The following PIBF1 variants were observed in gnomAD, a reference collection of about 807,000 sequenced individuals.
PIBF1 encodes progesterone immunomodulatory binding factor 1.
A neutral mutation model predicts 112.5 loss-of-function variants in PIBF1; 90 were observed. The ratio of observed to expected loss-of-function variants is 0.80; its 90% CI spans 0.67 to 0.95. The LOEUF is 0.95. Among genes scored for constraint, PIBF1 ranks in the 40% least tolerant of loss-of-function variants. The probability of loss-of-function intolerance (pLI) is 0.00; values close to 1 mark genes in which losing one functional copy is unlikely to be tolerated. For missense variants in PIBF1, 915 were observed against 852.3 expected (o/e 1.07, Z -0.92); for synonymous variants, 301 against 288.6 (o/e 1.04, Z -0.44).
intron 10 of PIBF1, among the ~76,000 whole-genome samples, chr13:72,892,631 A>G (rs1265895531): frequency 6.6e-6 from 1 of 152,056 alleles, no homozygotes; most frequent in East Asian, 1.9e-4. Context: ...TCTGAGCCTC[A>G]GGTTCTTCAT....
At chr13:72,942,026 A>C (rs1262129027) in intron 14 of PIBF1, among the ~76,000 whole-genome samples, 1 of 152,178 alleles carries the variant, frequency 6.6e-6, no homozygotes, top group Non-Finnish European at 1.5e-5. Flanking sequence ...GTAATAAAAC[A>C]TTTATCTCTG....
intron 10 of PIBF1, among the ~76,000 whole-genome samples, chr13:72,879,712 G>A (rs2039544659): frequency 6.6e-6 from 1 of 152,164 alleles, no homozygotes; most frequent in South Asian, 2.1e-4. Flanking sequence ...AACTATGGCC[G>A]ATAGGCCAAA....
At chr13:72,783,038 A>AT (rs1200441255) in intron 1 of PIBF1, among the ~76,000 whole-genome samples, 1 of 152,090 alleles carries the variant, frequency 6.6e-6, no homozygotes, top group Non-Finnish European at 1.5e-5. Context: ...CAAATCTTTA[A>AT]AGATTCTAAG....
intron 4 of PIBF1, among the ~76,000 whole-genome samples, 162 bp downstream of exon 4, chr13:72,795,719 T>C (rs1383438198): frequency 6.6e-6 from 1 of 152,198 alleles, no homozygotes; most frequent in East Asian, 1.9e-4. Flanking sequence ...ATCATGACCA[T>C]TGATCTCCAA....
intron 10 of PIBF1, among the ~76,000 whole-genome samples, chr13:72,886,007 A>G (rs2039835599): frequency 6.6e-6 from 1 of 152,152 alleles, no homozygotes; most frequent in Admixed American, 6.6e-5. Context: ...ATTGTTAGGA[A>G]GCAGATCTAA....
At chr13:72,811,138 G>A (rs576221786) in intron 5 of PIBF1, among the ~76,000 whole-genome samples, 7 of 152,242 alleles carry the variant, frequency 4.6e-5, no homozygotes, top group South Asian at 4.1e-4. Flanking sequence ...GGGATTATAG[G>A]CGTGAGCCAC....
rs370390563 is a variant in PIBF1 at position 72,827,015 on chromosome 13, G to A, written c.812G>A (p.Arg271His). 20 of 1,584,500 alleles carry A rather than the reference G, an allele frequency of 1.3e-5. No homozygotes were observed. The highest frequency in any genetic ancestry group is 3.5e-5 in the Admixed American group (2 of 57,018). ...TTTGAATTTTATTTTAACAGTGAAC[G>A]TGATGCACTTGAACAGGAAGTAATT... ...QENYDKVKSE[R>H]DALEQEVIEL... is the part of the protein sequence containing the mutation. Residue 271 changes from arginine to histidine, a missense_variant, in exon 7 of 18, where the codon CGT (arginine) becomes CAT (histidine). By Grantham distance (29) the Arg-to-His change is conservative. Transcript: ENST00000326291.
At chr13:72,886,672 T>G (rs1268103637) in intron 10 of PIBF1, among the ~76,000 whole-genome samples, 36 of 152,064 alleles carry the variant, frequency 2.4e-4, no homozygotes, top group Admixed American at 2.4e-3. Flanking sequence ...ATAGATGCAT[T>G]GAATTACTCC....
Position 72,792,519 on chromosome 13 carries a change from C to CAT in PIBF1, c.326_327insTA (p.Gln109HisfsTer16). The CAT allele has an allele frequency of 1.3e-6, 2 of 1,554,874 alleles. No homozygotes were observed. The highest frequency in any genetic ancestry group is 1.7e-6 in the Non-Finnish European group (2 of 1,154,328). ...GCTACTAACATTGAGATTAGACAACCAATTGGCTTTTCAACAGAAAGATGC... is the reference window on the plus strand; with the variant it reads ...GCTACTAACATTGAGATTAGACAACCATAATTGGCTTTTCAACAGAAAGATGC... On this transcript the variant is annotated frameshift_variant, in exon 3 of 18. Coordinates refer to ENST00000326291, the MANE Select transcript of PIBF1 (RefSeq NM_006346.4). LOFTEE classifies it high-confidence loss of function.
At chr13:72,873,564 G>A (rs566490307) in intron 10 of PIBF1, among the ~76,000 whole-genome samples, 203 of 151,888 alleles carry the variant, frequency 1.3e-3, no homozygotes, top group Non-Finnish European at 2.3e-3. Flanking sequence ...CGCCACGCCC[G>A]GCTAATTTTG....
At chr13:72,859,267 T>C (rs981408743) in intron 10 of PIBF1, among the ~76,000 whole-genome samples, 4 of 152,260 alleles carry the variant, frequency 2.6e-5, no homozygotes, top group Non-Finnish European at 4.4e-5. Context: ...TTAAGAGATA[T>C]ATTGCAGGGG....
chr13:72,906,664 A>G (rs1202315809), intron 11 of PIBF1, among the ~76,000 whole-genome samples: 2 of 152,136 alleles, frequency 1.3e-5, no homozygotes, highest in Admixed American at 1.3e-4. Flanking sequence ...TCTCTTTCAC[A>G]TTATGAAGAT....
At chr13:72,790,453 A>ACTTATAGATAGAT (rs1247391324) in intron 2 of PIBF1, among the ~76,000 whole-genome samples, 1 of 150,170 alleles carries the variant, frequency 6.7e-6, no homozygotes, top group South Asian at 2.1e-4. Flanking sequence ...ACACACACAC[A>ACTTATAGATAGAT]CACACACACA....
intron 16 of PIBF1, among the ~76,000 whole-genome samples, chr13:72,978,680 C>CT (rs776742149): frequency 1.4e-4 from 21 of 152,176 alleles, no homozygotes; most frequent in African/African-American, 3.1e-4. Flanking sequence ...CTCAGAATAA[C>CT]TTTATCTGTT....
chr13:72,876,892 A>G (rs904681368), intron 10 of PIBF1, among the ~76,000 whole-genome samples: 4 of 152,102 alleles, frequency 2.6e-5, no homozygotes, highest in Non-Finnish European at 5.9e-5. Context: ...TTCCTTCCCA[A>G]TCTATATACT....
intron 8 of PIBF1, among the ~76,000 whole-genome samples, chr13:72,830,539 T>G (rs994714870): frequency 6.6e-6 from 1 of 152,068 alleles, no homozygotes; most frequent in Non-Finnish European, 1.5e-5. Flanking sequence ...ATAATCGTGG[T>G]TTTTGTGATT....
chr13:72,928,428 C>T (rs763965692), intron 13 of PIBF1, among the ~76,000 whole-genome samples: 1 of 151,934 alleles, frequency 6.6e-6, no homozygotes, highest in Non-Finnish European at 1.5e-5. Flanking sequence ...AAGGCTTAAG[C>T]ACTAGCATAC....
chr13:72,921,683 AG>A (rs1405222000), intron 13 of PIBF1, among the ~76,000 whole-genome samples: 1 of 152,204 alleles, frequency 6.6e-6, no homozygotes, highest in Admixed American at 6.5e-5. Flanking sequence ...TTAATTGTAT[AG>A]TTACTGAAAA....
At chr13:72,834,460 T>TA (rs35923544) in intron 8 of PIBF1, among the ~76,000 whole-genome samples, 2 of 151,842 alleles carry the variant, frequency 1.3e-5, no homozygotes, top group Non-Finnish European at 2.9e-5. Flanking sequence ...CCTGTCTCTA[T>TA]AAAAAAAAGT....
Sources: gnomAD v4.1 joint callset for allele counts (sites outside exome capture counted in the v4.1 genomes callset) on GRCh38, gnomAD v4.1.1 for gene constraint, MANE v1.5 for transcripts, NCBI Gene and HGNC (gene_info 2026-07-23, HGNC 2026-07-21) for gene names.